ERBB4: variants seen among roughly 807,000 people sequenced by gnomAD.
ERBB4 encodes erb-b2 receptor tyrosine kinase 4, also known as receptor tyrosine-protein kinase erbB-4.
ERBB4 carries 42 observed loss-of-function variants against 158.0 expected under a neutral mutation model. That is an observed-to-expected ratio of 0.27 (90% CI 0.21 to 0.34). The LOEUF (loss-of-function observed/expected upper bound fraction) is 0.34, where lower values mean the gene tolerates loss of function less well. ERBB4 is among the 10% of genes least tolerant of loss of function. The pLI is 1.00. For synonymous variants in ERBB4, 583 were observed against 558.7 expected, an observed-to-expected ratio of 1.04 and a Z score of -0.61; for missense variants, 1,333 against 1,624.1, an observed-to-expected ratio of 0.82 and a Z score of 3.08.
rs1369604605 is a variant in ERBB4, at chr2:212,342,544, ATAGCAGTATGAAAATGGACTAAT to A, written c.82+195882_82+195904del. 2.0e-5 allele frequency among the ~76,000 whole-genome samples: 3 copies of A among 152,228 alleles called. No individual in the cohort carries two copies. The East Asian group carries it at 5.8e-4, about 30-fold the overall frequency. ...ATTTCCCAGTCTTGGGTATTCCTTCATAGCAGTATGAAAATGGACTAATACAACAATGATGCTGGAAGTGTGAA... is the reference window on the plus strand; with the variant it reads ...ATTTCCCAGTCTTGGGTATTCCTTCAACAACAATGATGCTGGAAGTGTGAA... On this transcript the variant is annotated intron_variant, in intron 1 of 27. Coordinates refer to ENST00000342788, the MANE Select transcript of ERBB4 (RefSeq NM_005235.3).
chr2:211,737,968 C>T (rs1361539613), intron 5 of ERBB4, among the ~76,000 whole-genome samples: 3 of 152,046 alleles, frequency 2.0e-5, no homozygotes, highest in Admixed American at 1.3e-4. Context: ...GTATTTTTTA[C>T]TATTATAAAT....
intron 20 of ERBB4, among the ~76,000 whole-genome samples, chr2:211,492,780 G>A (rs1468074876): frequency 6.6e-6 from 1 of 152,080 alleles, no homozygotes; most frequent in East Asian, 1.9e-4. Flanking sequence ...AACTATTGCG[G>A]TAATAATAAC....
At chr2:211,437,485 A>G (rs888310836) in intron 20 of ERBB4, among the ~76,000 whole-genome samples, 1 of 152,216 alleles carries the variant, frequency 6.6e-6, no homozygotes, top group Non-Finnish European at 1.5e-5. Context: ...CTTCTTTTCA[A>G]TCTTATGATA....
At chr2:211,463,436 G>T (rs1233374708) in intron 20 of ERBB4, among the ~76,000 whole-genome samples, 1 of 152,140 alleles carries the variant, frequency 6.6e-6, no homozygotes, top group Non-Finnish European at 1.5e-5. Context: ...CTAGATCAGC[G>T]TTGGTTTGCA....
At chr2:211,892,920 C>G (rs895874097) in intron 3 of ERBB4, among the ~76,000 whole-genome samples, 5 of 144,150 alleles carry the variant, frequency 3.5e-5, no homozygotes, top group Admixed American at 6.8e-5. Context: ...AGGATACAAA[C>G]AAATGGAAGA....
intron 2 of ERBB4, among the ~76,000 whole-genome samples, chr2:212,069,916 G>A (rs1024205312): frequency 6.6e-6 from 1 of 151,696 alleles, no homozygotes; most frequent in African/African-American, 2.4e-5. Flanking sequence ...CTGGAAACTT[G>A]AGACCAGCCT....
At chr2:212,461,633 G>T (rs187526222) in intron 1 of ERBB4, among the ~76,000 whole-genome samples, 3 of 152,132 alleles carry the variant, frequency 2.0e-5, no homozygotes, top group South Asian at 4.1e-4. Flanking sequence ...GCTGAAATGA[G>T]TTAAGACTTT....
At chr2:212,505,796 G>T (rs1691163402) in intron 1 of ERBB4, among the ~76,000 whole-genome samples, 1 of 148,866 alleles carries the variant, frequency 6.7e-6, no homozygotes, top group African/African-American at 2.4e-5. Context: ...AGTAATAAAA[G>T]TCCTTTGTTT....
chr2:211,853,427 A>T (rs1431069699), intron 3 of ERBB4, among the ~76,000 whole-genome samples: 1 of 152,008 alleles, frequency 6.6e-6, no homozygotes, highest in Non-Finnish European at 1.5e-5. Flanking sequence ...TATGACTTGC[A>T]TTAAAAATTA....
intron 3 of ERBB4, among the ~76,000 whole-genome samples, chr2:211,828,272 C>T (rs943409243): frequency 4.6e-5 from 7 of 152,082 alleles, no homozygotes; most frequent in Admixed American, 6.6e-5. Context: ...ACACATTTTG[C>T]TACTATGAAT....
chr2:211,974,651 A>G, intron 2 of ERBB4, among the ~76,000 whole-genome samples: 1 of 152,104 alleles, frequency 6.6e-6, no homozygotes, highest in African/African-American at 2.4e-5. Flanking sequence ...ATACTTTGGG[A>G]GGCTGAGGTG....
chr2:211,953,637 C>T (rs2080941864), intron 2 of ERBB4, among the ~76,000 whole-genome samples: 2 of 151,952 alleles, frequency 1.3e-5, no homozygotes, highest in African/African-American at 4.8e-5. Context: ...TAAGCTTCCG[C>T]TCAGTAAAAC....
intron 1 of ERBB4, among the ~76,000 whole-genome samples, chr2:212,204,981 G>A (rs1450659688): frequency 6.7e-6 from 1 of 150,064 alleles, no homozygotes; most frequent in African/African-American, 2.5e-5. Context: ...ACCACGCCCG[G>A]CTAGTTTTGT....
chr2:212,416,114 A>G (rs2091644400), intron 1 of ERBB4, among the ~76,000 whole-genome samples: 1 of 152,140 alleles, frequency 6.6e-6, no homozygotes, highest in Non-Finnish European at 1.5e-5. Context: ...TCGCATTTGT[A>G]TTGCTAGTGT....
intron 3 of ERBB4, among the ~76,000 whole-genome samples, chr2:211,790,294 A>C (rs1280114427): frequency 1.3e-5 from 2 of 152,056 alleles, no homozygotes; most frequent in Non-Finnish European, 2.9e-5. Context: ...GTTATTTTTC[A>C]GTCTACATTT....
intron 2 of ERBB4, among the ~76,000 whole-genome samples, chr2:211,950,304 T>A (rs1047245366): frequency 6.6e-6 from 1 of 152,140 alleles, no homozygotes. Context: ...CCTGGACATG[T>A]AGGCTAGAGT....
intron 25 of ERBB4, among the ~76,000 whole-genome samples, chr2:211,407,570 A>C (rs969020123): frequency 1.3e-5 from 2 of 152,176 alleles, no homozygotes; most frequent in Admixed American, 6.6e-5. Flanking sequence ...TTCTTTCATC[A>C]TAATGTAGCA....
intron 14 of ERBB4, among the ~76,000 whole-genome samples, chr2:211,668,164 GGTACA>G (rs1342233063): frequency 1.3e-5 from 2 of 152,170 alleles, no homozygotes; most frequent in Middle Eastern, 3.4e-3. Flanking sequence ...ATGTAGAAAG[GGTACA>G]GTAAAGGCAG....
At chr2:212,048,163 G>T (rs2077306181) in intron 2 of ERBB4, among the ~76,000 whole-genome samples, 1 of 152,154 alleles carries the variant, frequency 6.6e-6, no homozygotes, top group Admixed American at 6.5e-5. Context: ...GAACAGCATG[G>T]CTAAGGAAGG....
Sources: allele counts gnomAD v4.1 joint callset (sites outside exome capture counted in the v4.1 genomes callset), GRCh38; gene constraint gnomAD v4.1.1; transcripts MANE v1.5; gene names NCBI Gene and HGNC (gene_info 2026-07-23, HGNC 2026-07-21).